AP1B1: variants seen among roughly 807,000 people sequenced by gnomAD.
The protein encoded by AP1B1 is adaptor related protein complex 1 subunit beta 1, also known as AP-1 complex subunit beta-1.
AP1B1 carries 36 observed loss-of-function variants against 104.3 expected under a neutral mutation model. That is an observed-to-expected ratio of 0.35 (90% CI 0.26 to 0.46). The LOEUF is 0.46. Among genes scored for constraint, AP1B1 ranks in the 20% least tolerant of loss-of-function variants. The probability of loss-of-function intolerance (pLI) is 1.00; values close to 1 mark genes in which losing one functional copy is unlikely to be tolerated. For synonymous variants in AP1B1, 504 were observed against 517.5 expected (o/e 0.97, Z 0.35); for missense variants, 901 against 1,247.9 (o/e 0.72, Z 4.19).
intron 11 of AP1B1, 71 bp from the exon 12 acceptor site, chr22:29,342,454 T>C: frequency 7.7e-7 from 1 of 1,300,794 alleles, no homozygotes. Context: ...CAAAAAGGCT[T>C]GAAGAGGAAT....
Position 29,328,499 on chromosome 22 carries a change from G to C in AP1B1, c.*322C>G. 3.6e-6 allele frequency: 1 copy of C among 275,046 alleles called. No homozygotes were observed. The highest frequency in any genetic ancestry group is 4.8e-5 in the Admixed American group (1 of 20,624). 17.0% of individuals were successfully genotyped at this position (275,046 alleles called of 1,614,324 possible). A position where few individuals can be genotyped will look rare whatever the true frequency, so the allele number is the denominator to read the frequency against. ...GGGCTGCCGGGGCTGTGAGCCGGAG[G>C]GGCAAGCTCCACACTCACCCTTCAG... On this transcript the variant is annotated 3_prime_UTR_variant, in exon 23 of 23. Transcript: ENST00000357586. This position sits in a 1 kb window ranked among gnomAD's most constrained non-coding sequence, Gnocchi z 4.1.
chr22:29,376,778 T>C (rs1039020029), intron 1 of AP1B1, among the ~76,000 whole-genome samples: 4 of 152,216 alleles, frequency 2.6e-5, no homozygotes, highest in African/African-American at 9.6e-5. Flanking sequence ...GGTTAATTCA[T>C]TTGACAAGTA....
At position 29,337,236 on chromosome 22, in the gene AP1B1, G is replaced by A. The variant is rs117593864; in HGVS notation, c.2163+1754C>T. On this transcript the variant is annotated intron_variant, in intron 16 of 22. Coordinates refer to ENST00000357586, the MANE Select transcript of AP1B1 (RefSeq NM_001127.4). Reference sequence around the variant, plus strand: ...TCTGTCACCAGCTATGTGACCTTAGGCAAAAGCACTAGGATTTCTCAACCA... The same window carrying A: ...TCTGTCACCAGCTATGTGACCTTAGACAAAAGCACTAGGATTTCTCAACCA... Among the ~76,000 whole-genome samples the A allele has an allele frequency of 9.5e-4, 145 of 152,300 alleles. No individual in the cohort carries two copies. The East Asian group carries it at 0.025, about 26-fold the overall frequency.
intron 2 of AP1B1, among the ~76,000 whole-genome samples, chr22:29,366,607 C>T (rs2062141041): frequency 6.6e-6 from 1 of 151,562 alleles, no homozygotes; most frequent in Non-Finnish European, 1.5e-5. Context: ...CCAGCCTGGG[C>T]AACAAGAGCG....
In AP1B1 at chr22:29,328,848, C is replaced by G; in HGVS notation, c.2823G>C (p.Gln941His). Residue 941 changes from glutamine (Q) to histidine (H), a missense_variant, in exon 23 of 23, where the codon CAG (glutamine) becomes CAC (histidine). This residue lies in a region of AP1B1 where 424 missense variants were observed against 494.0 expected (regional missense o/e 0.86). Transcript: ENST00000357586. The surrounding 1 kb of genome is among the most constrained non-coding windows in gnomAD (Gnocchi z 4.1). ...RAPEVSQHVY[Q>H]AYETILKN ...AGTTCTTGAGGATGGTCTCGTAGGC[C>G]TGGTACACGTGCTGGGACACCTCTG... The G allele has an allele frequency of 6.2e-7, 1 of 1,609,176 alleles. No individual in the cohort carries two copies. Among genetic ancestry groups the G allele is most frequent in the East Asian group, 2.2e-5 (1 of 44,774 alleles).
At chr22:29,383,317 G>A (rs534393246) in intron 1 of AP1B1, among the ~76,000 whole-genome samples, 30 of 152,250 alleles carry the variant, frequency 2.0e-4, no homozygotes, top group African/African-American at 6.3e-4. Flanking sequence ...CTAAATGTAA[G>A]GAGGGTGTGG....
At chr22:29,340,957 A>G (rs1374966041) in intron 13 of AP1B1, 100 bp from the exon 14 acceptor site, 50 of 1,229,626 alleles carry the variant, frequency 4.1e-5, no homozygotes, top group Non-Finnish European at 5.3e-5. Context: ...ACAGGCACTG[A>G]GTCTCCTCAC....
chr22:29,378,552 CAAAAAAAAA>C (rs145933767), intron 1 of AP1B1, among the ~76,000 whole-genome samples: 1 of 48,484 alleles, frequency 2.1e-5, no homozygotes, highest in Admixed American at 2.9e-4. Flanking sequence ...AACTCCGTAT[CAAAAAAAAA>C]AAAAAAAAAA....
chr22:29,336,074 A>G (rs2061633567), intron 16 of AP1B1, among the ~76,000 whole-genome samples: 1 of 152,238 alleles, frequency 6.6e-6, no homozygotes, highest in Admixed American at 6.5e-5. Context: ...AGGTCCCAAC[A>G]GAACCATCTT....
At chr22:29,339,587 G>A (rs1370022289) in intron 15 of AP1B1, among the ~76,000 whole-genome samples, 167 bp downstream of exon 15, 1 of 151,898 alleles carries the variant, frequency 6.6e-6, no homozygotes, top group Non-Finnish European at 1.5e-5. Context: ...AGTGGCAGCC[G>A]GATGCCAGGT....
chr22:29,333,067 T>A (rs887743080), intron 17 of AP1B1: 19 of 153,624 alleles, frequency 1.2e-4, no homozygotes, highest in African/African-American at 4.1e-4. Flanking sequence ...CTGGTGCACT[T>A]CTGTGGCCTC....
At chr22:29,340,002 C>T (rs1017071740) in intron 14 of AP1B1, among the ~76,000 whole-genome samples, 1 of 152,094 alleles carries the variant, frequency 6.6e-6, no homozygotes, top group Admixed American at 6.5e-5. Flanking sequence ...CACCACAGCC[C>T]TTCCTGCCTC....
intron 5 of AP1B1, among the ~76,000 whole-genome samples, chr22:29,356,856 G>A (rs2061966394): frequency 6.6e-6 from 1 of 152,118 alleles, no homozygotes; most frequent in Admixed American, 6.5e-5. Flanking sequence ...AGCTCCAAGG[G>A]CTTAGCCACA....
chr22:29,333,957 C>A (rs528704745), intron 17 of AP1B1, among the ~76,000 whole-genome samples: 1 of 152,234 alleles, frequency 6.6e-6, no homozygotes, highest in East Asian at 1.9e-4. Context: ...CCCAGTTACT[C>A]GGGAGGCTGA....
In AP1B1 at chr22:29,350,001, T is replaced by C. The variant is rs772940411; in HGVS notation, c.1271+34A>G. 10 of 1,539,394 alleles carry C rather than the reference T, an allele frequency of 6.5e-6. No homozygotes were observed. In the Admixed American group the frequency reaches 1.2e-4, roughly 18 times the overall value. On this transcript the variant is annotated intron_variant, in intron 10 of 22. Coordinates refer to ENST00000357586, the MANE Select transcript of AP1B1 (RefSeq NM_001127.4). ...CGCCATCCCTGTCCCCAGGCAGAGCTAGATGCCCTCTCCCTAGGAGGGCGG... is the reference window on the plus strand; with the variant it reads ...CGCCATCCCTGTCCCCAGGCAGAGCCAGATGCCCTCTCCCTAGGAGGGCGG...
intron 7 of AP1B1, among the ~76,000 whole-genome samples, chr22:29,354,325 C>G (rs2061921349): frequency 1.3e-5 from 2 of 152,164 alleles, no homozygotes; most frequent in African/African-American, 4.8e-5. Flanking sequence ...CAGGGCTTCT[C>G]AACCTCAGCA....
intron 1 of AP1B1, chr22:29,370,452 C>CAA (rs747171000): frequency 3.9e-4 from 22 of 56,250 alleles, no homozygotes; most frequent in East Asian, 2.2e-3. Flanking sequence ...GACTCAGTCT[C>CAA]AAAAAAAAAA....
intron 1 of AP1B1, among the ~76,000 whole-genome samples, chr22:29,377,946 G>A (rs2062372706): frequency 6.6e-6 from 1 of 152,112 alleles, no homozygotes; most frequent in Non-Finnish European, 1.5e-5. Flanking sequence ...GAAAATGGCA[G>A]TGCCGGCACT....
At chr22:29,352,767 A>AT in intron 7 of AP1B1, among the ~76,000 whole-genome samples, 1 of 152,274 alleles carries the variant, frequency 6.6e-6, no homozygotes, top group East Asian at 1.9e-4. Flanking sequence ...TGTCTCAAAA[A>AT]ATATATATAT....
Sources: gnomAD v4.1 joint callset for allele counts (sites outside exome capture counted in the v4.1 genomes callset) on GRCh38, gnomAD v4.1.1 for gene constraint, gnomAD v4.1.1 regional missense constraint, Gnocchi (gnomAD v3.1) non-coding constraint, MANE v1.5 for transcripts, NCBI Gene and HGNC (gene_info 2026-07-23, HGNC 2026-07-21) for gene names.